The following FGF12 variants were observed in gnomAD, a reference collection of about 807,000 sequenced individuals.
FGF12 encodes fibroblast growth factor 12.
Under a neutral mutation model 23.6 loss-of-function variants are expected in FGF12, and 14 were observed. The ratio of observed to expected loss-of-function variants is 0.59; its 90% CI spans 0.39 to 0.93. The LOEUF (loss-of-function observed/expected upper bound fraction) is 0.93, where lower values mean the gene tolerates loss of function less well. FGF12 is among the 40% of genes least tolerant of loss of function. The pLI is 0.00. For missense variants in FGF12, 175 were observed against 217.8 expected, an observed-to-expected ratio of 0.80 and a Z score of 1.24; for synonymous variants, 62 against 77.3, an observed-to-expected ratio of 0.80 and a Z score of 1.04.
chr3:192,629,676 A>C (rs960273932), intron 2 of FGF12, among the ~76,000 whole-genome samples: 1 of 152,168 alleles, frequency 6.6e-6, no homozygotes, highest in Non-Finnish European at 1.5e-5. Context: ...GCATCATCCC[A>C]ATTCATGAAT....
chr3:192,177,062 CAG>C (rs1715905189), intron 4 of FGF12, among the ~76,000 whole-genome samples: 1 of 152,098 alleles, frequency 6.6e-6, no homozygotes, highest in African/African-American at 2.4e-5. Flanking sequence ...AATAGAAAAA[CAG>C]AATTGTCCAG....
At chr3:192,551,600 C>A (rs992011988) in intron 2 of FGF12, among the ~76,000 whole-genome samples, 2 of 152,184 alleles carry the variant, frequency 1.3e-5, no homozygotes, top group African/African-American at 4.8e-5. Context: ...GCTGGAATGA[C>A]CATGCCTAGG....
chr3:192,621,884 G>C (rs927279876), intron 2 of FGF12, among the ~76,000 whole-genome samples: 1 of 151,934 alleles, frequency 6.6e-6, no homozygotes. Context: ...AGGGAAATTG[G>C]TACATATCTT....
chr3:192,494,208 TTGACAC>T (rs1723883053), intron 2 of FGF12, among the ~76,000 whole-genome samples: 2 of 152,202 alleles, frequency 1.3e-5, no homozygotes, highest in South Asian at 4.1e-4. Flanking sequence ...CATCTTAGAT[TTGACAC>T]AGAATATGGG....
At chr3:192,567,739 TTC>T (rs770239838) in intron 2 of FGF12, among the ~76,000 whole-genome samples, 2 of 45,894 alleles carry the variant, frequency 4.4e-5, no homozygotes, top group East Asian at 1.3e-3. Flanking sequence ...ATGTGTCTCT[TTC>T]TTTCTTTCTT....
chr3:192,668,085 A>C (rs988349801), intron 2 of FGF12, among the ~76,000 whole-genome samples: 1 of 152,176 alleles, frequency 6.6e-6, no homozygotes, highest in Non-Finnish European at 1.5e-5. Flanking sequence ...AATTGGTTTA[A>C]TAAATGTTAG....
intron 4 of FGF12, among the ~76,000 whole-genome samples, chr3:192,202,712 C>G (rs932657250): frequency 7.2e-5 from 11 of 152,182 alleles, no homozygotes; most frequent in African/African-American, 2.7e-4. Flanking sequence ...ATTAGCATCT[C>G]TGAACTACGG....
intron 2 of FGF12, among the ~76,000 whole-genome samples, chr3:192,711,242 G>A (rs950961300): frequency 6.9e-6 from 1 of 145,328 alleles, no homozygotes; most frequent in Admixed American, 6.7e-5. Context: ...GAGGGAGGTG[G>A]GGGCCAGCCC....
rs187915704 is a variant in FGF12, at chr3:192,682,380, G to A, written c.13+44801C>T. ...TCCCAAATCTGAGGTCTTGAGATAA[G>A]AAAACCTAAATCTAACCCTGACTCC... On this transcript the variant is annotated intron_variant, in intron 2 of 5. Transcript: ENST00000445105. 1.8e-3 allele frequency among the ~76,000 whole-genome samples: 271 copies of A among 152,232 alleles called. 1 individual carries two copies. Among genetic ancestry groups the A allele is most frequent in the African/African-American group, 6.3e-3 (263 of 41,542 alleles).
chr3:192,607,239 T>G (rs1714371605), intron 2 of FGF12, among the ~76,000 whole-genome samples: 2 of 152,132 alleles, frequency 1.3e-5, no homozygotes, highest in South Asian at 4.1e-4. Context: ...GCAGTTCCCA[T>G]GAAATCCACC....
intron 4 of FGF12, among the ~76,000 whole-genome samples, chr3:192,319,748 T>C (rs1222042372): frequency 6.6e-6 from 1 of 152,192 alleles, no homozygotes; most frequent in Non-Finnish European, 1.5e-5. Flanking sequence ...TGCTTCTTTG[T>C]TAGTTTGTTT....
chr3:192,378,782 G>A (rs1355499110), intron 2 of FGF12, among the ~76,000 whole-genome samples: 1 of 152,038 alleles, frequency 6.6e-6, no homozygotes, highest in Non-Finnish European at 1.5e-5. Context: ...TTTAGGTTCA[G>A]GGATACATAT....
intron 2 of FGF12, among the ~76,000 whole-genome samples, chr3:192,366,833 GA>G (rs1399219264): frequency 6.6e-6 from 1 of 152,176 alleles, no homozygotes; most frequent in Non-Finnish European, 1.5e-5. Flanking sequence ...CCACGTTCTT[GA>G]AAATCCAAAG....
intron 4 of FGF12, among the ~76,000 whole-genome samples, chr3:192,322,503 G>GACACACACACAC (rs3071843): frequency 8.0e-5 from 12 of 149,196 alleles, no homozygotes; most frequent in Admixed American, 2.0e-4. Flanking sequence ...ACCACACGCA[G>GACACACACACAC]ACACACACAC....
chr3:192,634,553 A>G (rs1317655814), intron 2 of FGF12, among the ~76,000 whole-genome samples: 1 of 152,132 alleles, frequency 6.6e-6, no homozygotes, highest in African/African-American at 2.4e-5. Flanking sequence ...GACTATATAT[A>G]CATATATGCA....
intron 2 of FGF12, among the ~76,000 whole-genome samples, chr3:192,480,835 C>T (rs540917862): frequency 6.6e-6 from 1 of 152,286 alleles, no homozygotes; most frequent in Admixed American, 6.5e-5. Context: ...TCCAAACCAG[C>T]TTAACTGCAT....
chr3:192,636,605 G>T (rs1422375551), intron 2 of FGF12, among the ~76,000 whole-genome samples: 1 of 152,122 alleles, frequency 6.6e-6, no homozygotes, highest in Non-Finnish European at 1.5e-5. Context: ...ATGGGTGTGG[G>T]TACATGTGTA....
At chr3:192,396,079 A>G (rs1353865945) in intron 2 of FGF12, among the ~76,000 whole-genome samples, 1 of 152,158 alleles carries the variant, frequency 6.6e-6, no homozygotes, top group Non-Finnish European at 1.5e-5. Context: ...CCACGTATTG[A>G]GCCCACACGT....
At chr3:192,433,418 A>C (rs557719141) in intron 2 of FGF12, among the ~76,000 whole-genome samples, 1 of 152,364 alleles carries the variant, frequency 6.6e-6, no homozygotes, top group African/African-American at 2.4e-5. Flanking sequence ...CAAATTACTT[A>C]CCAAGCAAAT....
Sources: gnomAD v4.1 joint callset for allele counts (sites outside exome capture counted in the v4.1 genomes callset) on GRCh38, gnomAD v4.1.1 for gene constraint, MANE v1.5 for transcripts, NCBI Gene and HGNC (gene_info 2026-07-23, HGNC 2026-07-21) for gene names.